ST18: variants seen among roughly 807,000 people sequenced by gnomAD.
ST18 encodes the protein ST18 C2H2C-type zinc finger transcription factor, also known as suppression of tumorigenicity 18 protein.
ST18 carries 50 observed loss-of-function variants against 110.0 expected under a neutral mutation model. That is an observed-to-expected ratio of 0.45 (90% confidence interval 0.36 to 0.58). ST18 has a LOEUF of 0.58. ST18 is among the 20% of genes least tolerant of loss of function. ST18 has a pLI of 0.00. For missense variants in ST18, 1,306 were observed against 1,280.1 expected, an observed-to-expected ratio of 1.02 and a Z score of -0.31; for synonymous variants, 461 against 452.4, an observed-to-expected ratio of 1.02 and a Z score of -0.24.
chr8:52,401,340 G>A (rs1842767458), intron 2 of ST18, among the ~76,000 whole-genome samples: 1 of 152,072 alleles, frequency 6.6e-6, no homozygotes, highest in African/African-American at 2.4e-5. Context: ...AGATCATTAA[G>A]CTTCATAAAT....
rs1232742831 is a variant in ST18 at position 52,126,122 on chromosome 8, G to A, written c.2685C>T (p.Leu895=). The A allele has an allele frequency of 1.3e-5, 21 of 1,613,914 alleles. No individual in the cohort carries two copies. Among genetic ancestry groups the A allele is most frequent in the East Asian group, 4.5e-5 (2 of 44,892 alleles). ...TGCCCTTTTTGATAACTTGTGCATT[G>A]AGAGGACATCCAGATAAGCTGTGAA... ...VTHRSLSGCP[L]NAQVIKKGKV... The change falls in exon 23 of 26, where the codon CTC becomes CTT. Residue 895 remains leucine (L), a synonymous_variant. Coordinates refer to ENST00000689386, the MANE Select transcript of ST18 (RefSeq NM_001352837.2).
intron 2 of ST18, among the ~76,000 whole-genome samples, chr8:52,231,061 C>T (rs1386737746): frequency 3.9e-5 from 6 of 152,174 alleles, no homozygotes; most frequent in Middle Eastern, 3.4e-3. Context: ...TAGAAAATTG[C>T]GAGTTTCACA....
chr8:52,281,855 G>A (rs1167680596), intron 2 of ST18, among the ~76,000 whole-genome samples: 1 of 152,182 alleles, frequency 6.6e-6, no homozygotes, highest in Non-Finnish European at 1.5e-5. Flanking sequence ...TGTACACAAA[G>A]GCATAAGAAT....
At chr8:52,366,430 G>A (rs1486613589) in intron 2 of ST18, among the ~76,000 whole-genome samples, 1 of 152,182 alleles carries the variant, frequency 6.6e-6, no homozygotes, top group Non-Finnish European at 1.5e-5. Flanking sequence ...TCTGGCCCCT[G>A]TCTGTCTTTC....
intron 10 of ST18, 121 bp from the exon 11 acceptor site, chr8:52,167,107 C>T: frequency 7.6e-7 from 1 of 1,320,380 alleles, no homozygotes; most frequent in Non-Finnish European, 1.0e-6. Flanking sequence ...AAACATTCTT[C>T]TCACATCGCC....
At chr8:52,156,856 T>C (rs1457049662) in intron 15 of ST18, among the ~76,000 whole-genome samples, 1 of 152,186 alleles carries the variant, frequency 6.6e-6, no homozygotes, top group Admixed American at 6.5e-5. Flanking sequence ...AAGGAGACAA[T>C]TTTCATGGGA....
chr8:52,242,853 C>T (rs571603666), intron 2 of ST18, among the ~76,000 whole-genome samples: 3 of 147,310 alleles, frequency 2.0e-5, no homozygotes, highest in African/African-American at 7.6e-5. Flanking sequence ...GCCAGGGTGA[C>T]AAGAGTGAGA....
At chr8:52,344,428 T>G (rs1816708639) in intron 2 of ST18, among the ~76,000 whole-genome samples, 1 of 152,082 alleles carries the variant, frequency 6.6e-6, no homozygotes, top group Admixed American at 6.5e-5. Context: ...GAAATGGAGT[T>G]TCACTGTTGT....
chr8:52,372,901 G>GT (rs1474767814), intron 2 of ST18, among the ~76,000 whole-genome samples: 2 of 152,176 alleles, frequency 1.3e-5, no homozygotes, highest in African/African-American at 4.8e-5. Flanking sequence ...TAGTATGAAT[G>GT]TTTATTGTAC....
chr8:52,389,621 G>T (rs142082827), intron 2 of ST18, among the ~76,000 whole-genome samples: 31 of 152,298 alleles, frequency 2.0e-4, no homozygotes, highest in Admixed American at 5.9e-4. Flanking sequence ...GCAGAGCAGG[G>T]ATGGAAATCT....
intron 2 of ST18, among the ~76,000 whole-genome samples, chr8:52,365,865 AT>A (rs34886267): frequency 0.015 from 2,066 of 142,476 alleles, 36 homozygotes; most frequent in African/African-American, 0.043. Flanking sequence ...TGCCTAGCTA[AT>A]TTTTTTTTTT....
chr8:52,148,552 G>A (rs1481865729), intron 16 of ST18, among the ~76,000 whole-genome samples: 1 of 152,170 alleles, frequency 6.6e-6, no homozygotes, highest in African/African-American at 2.4e-5. Context: ...ATGCATGACT[G>A]TGGCACACAA....
intron 2 of ST18, among the ~76,000 whole-genome samples, chr8:52,344,820 A>C (rs1225699663): frequency 6.6e-6 from 1 of 152,246 alleles, no homozygotes; most frequent in Non-Finnish European, 1.5e-5. Context: ...AGTTTTAATA[A>C]ATAATAATAA....
At chr8:52,239,740 C>T (rs1274126709) in intron 2 of ST18, among the ~76,000 whole-genome samples, 2 of 152,126 alleles carry the variant, frequency 1.3e-5, no homozygotes, top group Admixed American at 6.6e-5. Context: ...CCCTCTCTCA[C>T]GCCTCCTATT....
chr8:52,169,567 A>G (rs959314083), intron 10 of ST18, among the ~76,000 whole-genome samples: 2 of 152,170 alleles, frequency 1.3e-5, no homozygotes, highest in Non-Finnish European at 2.9e-5. Flanking sequence ...TTGCATGGTC[A>G]AGGTGTTGTC....
chr8:52,340,843 A>C (rs1247190977), intron 2 of ST18, among the ~76,000 whole-genome samples: 1 of 152,180 alleles, frequency 6.6e-6, no homozygotes, highest in African/African-American at 2.4e-5. Context: ...AGAAACAAAA[A>C]ACCGCGAAGT....
intron 2 of ST18, among the ~76,000 whole-genome samples, chr8:52,232,562 A>G (rs1470613899): frequency 6.6e-6 from 1 of 152,146 alleles, no homozygotes; most frequent in Non-Finnish European, 1.5e-5. Flanking sequence ...ACAGTGGTAT[A>G]TGAGGTGTTC....
chr8:52,121,380 T>C (rs756402704), intron 23 of ST18, among the ~76,000 whole-genome samples: 30 of 152,200 alleles, frequency 2.0e-4, no homozygotes, highest in Non-Finnish European at 1.2e-4. Context: ...ATTTCTGGGA[T>C]CTGGGGTGCT....
chr8:52,171,687 C>T (rs944201637), intron 10 of ST18, 105 bp downstream of exon 10: 3 of 1,154,256 alleles, frequency 2.6e-6, no homozygotes, highest in African/African-American at 3.1e-5. Flanking sequence ...TTTTAAGTTG[C>T]ATTAAACTGT....
Sources: gnomAD v4.1 joint callset for allele counts (sites outside exome capture counted in the v4.1 genomes callset) on GRCh38, gnomAD v4.1.1 for gene constraint, MANE v1.5 for transcripts, NCBI Gene and HGNC (gene_info 2026-07-23, HGNC 2026-07-21) for gene names.